FOXP2: variants seen among roughly 807,000 people sequenced by gnomAD.
FOXP2 encodes the protein forkhead box P2.
Under a neutral mutation model 115.8 loss-of-function variants are expected in FOXP2, and 12 were observed. The ratio of observed to expected loss-of-function variants is 0.10; its 90% CI spans 0.07 to 0.17. FOXP2 has a LOEUF of 0.17. FOXP2 is among the 10% of genes least tolerant of loss of function. The probability of loss-of-function intolerance (pLI) is 1.00; values close to 1 mark genes in which losing one functional copy is unlikely to be tolerated. For synonymous variants in FOXP2, 328 were observed against 297.7 expected, an observed-to-expected ratio of 1.10 and a Z score of -1.05; for missense variants, 629 against 843.5, an observed-to-expected ratio of 0.75 and a Z score of 3.15.
intron 1 of FOXP2, among the ~76,000 whole-genome samples, chr7:114,284,575 C>T (rs1230178657): frequency 1.3e-5 from 2 of 151,942 alleles, no homozygotes; most frequent in East Asian, 3.9e-4. Context: ...ATAATCTATG[C>T]TATGGAAAAA....
At chr7:114,545,688 A>G (rs1355870255) in intron 3 of FOXP2, among the ~76,000 whole-genome samples, 2 of 152,140 alleles carry the variant, frequency 1.3e-5, no homozygotes, top group East Asian at 3.9e-4. Flanking sequence ...TACATGTTAT[A>G]TGAGCTGCAA....
intron 14 of FOXP2, among the ~76,000 whole-genome samples, chr7:114,662,426 A>G (rs1268160015): frequency 6.6e-6 from 1 of 152,036 alleles, no homozygotes; most frequent in African/African-American, 2.4e-5. Context: ...CAGCATTTCT[A>G]CGTGTATCAA....
chr7:114,552,307 G>A (rs1034416910), intron 3 of FOXP2, among the ~76,000 whole-genome samples: 3 of 152,130 alleles, frequency 2.0e-5, no homozygotes, highest in Non-Finnish European at 2.9e-5. Context: ...GAGGCACTGG[G>A]TTCAAGGTTT....
At chr7:114,247,418 C>T (rs1250071933) in intron 1 of FOXP2, among the ~76,000 whole-genome samples, 1 of 152,034 alleles carries the variant, frequency 6.6e-6, no homozygotes, top group Admixed American at 6.6e-5. Flanking sequence ...GGGTGCTAAC[C>T]TCTGTTTCTT....
chr7:114,684,024 T>C (rs1808229402), intron 16 of FOXP2, among the ~76,000 whole-genome samples: 1 of 152,106 alleles, frequency 6.6e-6, no homozygotes, highest in Non-Finnish European at 1.5e-5. Flanking sequence ...ACCTCTTTAG[T>C]CATTCTTTTA....
chr7:114,359,933 C>T (rs1003497309), intron 2 of FOXP2, among the ~76,000 whole-genome samples: 1 of 152,008 alleles, frequency 6.6e-6, no homozygotes, highest in South Asian at 2.1e-4. Context: ...ACTGTTGGGA[C>T]AGCATGATTG....
At chr7:114,323,290 C>T (rs1312081448) in intron 2 of FOXP2, among the ~76,000 whole-genome samples, 2 of 151,942 alleles carry the variant, frequency 1.3e-5, no homozygotes, top group African/African-American at 4.8e-5. Context: ...TTTATCTGCC[C>T]CAGACTAAAA....
At chr7:114,491,854 A>T (rs1260440380) in intron 2 of FOXP2, among the ~76,000 whole-genome samples, 2 of 152,130 alleles carry the variant, frequency 1.3e-5, no homozygotes, top group East Asian at 1.9e-4. Flanking sequence ...TTCATCAGGG[A>T]TATTGGTCTA....
intron 16 of FOXP2, among the ~76,000 whole-genome samples, chr7:114,678,716 G>A (rs1242666352): frequency 1.3e-5 from 2 of 151,766 alleles, no homozygotes; most frequent in Admixed American, 6.6e-5. Context: ...TGTTATTGTG[G>A]CCATTGCTGT....
At chr7:114,438,939 T>C (rs894826690) in intron 2 of FOXP2, among the ~76,000 whole-genome samples, 1 of 152,206 alleles carries the variant, frequency 6.6e-6, no homozygotes, top group Non-Finnish European at 1.5e-5. Context: ...TAGATGTTAA[T>C]GTGATCTGAG....
intron 3 of FOXP2, chr7:114,538,182 A>C: frequency 2.3e-6 from 1 of 442,082 alleles, no homozygotes. Flanking sequence ...CAACATGCAC[A>C]TACACACATG....
intron 3 of FOXP2, among the ~76,000 whole-genome samples, chr7:114,580,968 C>T (rs548594855): frequency 6.6e-6 from 1 of 151,514 alleles, no homozygotes; most frequent in Non-Finnish European, 1.5e-5. Context: ...CAACACAAGA[C>T]ACTGGGTAAA....
chr7:114,180,391 G>A (rs1348620367), intron 1 of FOXP2, among the ~76,000 whole-genome samples: 1 of 151,420 alleles, frequency 6.6e-6, no homozygotes, highest in Non-Finnish European at 1.5e-5. Context: ...TTCTCACTCT[G>A]TACATTATTC....
intron 2 of FOXP2, among the ~76,000 whole-genome samples, chr7:114,462,684 T>G (rs1795632468): frequency 6.6e-6 from 1 of 152,148 alleles, no homozygotes; most frequent in Non-Finnish European, 1.5e-5. Context: ...CAGCATAGTA[T>G]CTTTTCACAT....
At chr7:114,614,900 T>G (rs2129320002) in intron 3 of FOXP2, among the ~76,000 whole-genome samples, 1 of 152,230 alleles carries the variant, frequency 6.6e-6, no homozygotes, top group South Asian at 2.1e-4. Context: ...AACAGATAAA[T>G]ATGCCCCCAG....
intron 1 of FOXP2, among the ~76,000 whole-genome samples, chr7:114,113,320 C>G (rs1791319897): frequency 6.6e-6 from 1 of 152,148 alleles, no homozygotes; most frequent in Non-Finnish European, 1.5e-5. Context: ...AAGACTTTCT[C>G]AAATCCTAAA....
intron 1 of FOXP2, among the ~76,000 whole-genome samples, chr7:114,173,680 A>G (rs1282245051): frequency 6.6e-6 from 1 of 151,924 alleles, no homozygotes; most frequent in Admixed American, 6.6e-5. Flanking sequence ...GCCAAAGCCC[A>G]GATTACCAAG....
At chr7:114,368,306 AT>A (rs1174884584) in intron 2 of FOXP2, among the ~76,000 whole-genome samples, 2 of 152,296 alleles carry the variant, frequency 1.3e-5, no homozygotes, top group East Asian at 3.9e-4. Context: ...CTATTTTAAA[AT>A]CCCCTGATTG....
intron 2 of FOXP2, among the ~76,000 whole-genome samples, chr7:114,469,914 A>G (rs1427938839): frequency 6.6e-6 from 1 of 152,184 alleles, no homozygotes; most frequent in Non-Finnish European, 1.5e-5. Context: ...TTGAAAGCAG[A>G]TATTTAGAGT....
Sources: gnomAD v4.1 joint callset for allele counts (sites outside exome capture counted in the v4.1 genomes callset) on GRCh38, gnomAD v4.1.1 for gene constraint, MANE v1.5 for transcripts, NCBI Gene and HGNC (gene_info 2026-07-23, HGNC 2026-07-21) for gene names.